PCDHA3: variants seen among roughly 807,000 people sequenced by gnomAD.
The protein encoded by PCDHA3 is protocadherin alpha-3.
In PCDHA3, 41 loss-of-function variants were observed where a neutral mutation model predicts 62.2. The ratio of observed to expected loss-of-function variants is 0.66; its 90% CI spans 0.51 to 0.86. The LOEUF is 0.86. Among genes scored for constraint, PCDHA3 ranks in the 40% least tolerant of loss-of-function variants. The pLI is 0.00. For missense variants in PCDHA3, 1,304 were observed against 1,241.2 expected (o/e 1.05, Z -0.76); for synonymous variants, 640 against 555.4 (o/e 1.15, Z -2.14).
chr5:140,967,229 C>T, intron 1 of PCDHA3: 2 of 1,613,760 alleles, frequency 1.2e-6, no homozygotes, highest in East Asian at 2.2e-5. Flanking sequence ...CAACTACCAG[C>T]TTCAGGTAAG....
Position 140,946,611 on chromosome 5 carries a change from AAT to A in PCDHA3, c.2395-32318_2395-32317del, listed in dbSNP as rs1554217734. On this transcript the variant is annotated intron_variant, in intron 1 of 3. Coordinates refer to ENST00000522353, the MANE Select transcript of PCDHA3 (RefSeq NM_018906.3). ...GGATGAATAGATAAAGAAAATGTGA[AAT>A]ATATATATATATATATATACAATGG... is the stretch of plus-strand genomic sequence containing the variant. 5.8e-3 allele frequency among the ~76,000 whole-genome samples: 503 copies of A among 86,618 alleles called. 18 individuals are homozygous for A. The highest frequency in any genetic ancestry group is 0.022 in the Middle Eastern group (4 of 186). The allele number at this position is 86,618 out of a possible 152,430, so 56.8% of individuals were successfully genotyped here. A position where few individuals can be genotyped will look rare whatever the true frequency, so the allele number is the denominator to read the frequency against.
intron 1 of PCDHA3, chr5:140,927,490 C>T: frequency 3.1e-6 from 5 of 1,614,132 alleles, no homozygotes; most frequent in Non-Finnish European, 4.2e-6. Context: ...CGCCACCCAC[C>T]TGCTGGTGCT....
intron 1 of PCDHA3, chr5:140,806,969 A>G (rs1337219692): frequency 3.4e-5 from 21 of 608,738 alleles, no homozygotes; most frequent in African/African-American, 5.5e-5. Flanking sequence ...CACAATTGCT[A>G]CTTACGGTTT....
At chr5:140,841,397 G>T in intron 1 of PCDHA3, 3 of 1,613,254 alleles carry the variant, frequency 1.9e-6, no homozygotes, top group Non-Finnish European at 2.5e-6. Flanking sequence ...AGCCTGGAAG[G>T]TGGGGAGCGG....
chr5:140,965,496 ATTT>A (rs71766133), intron 1 of PCDHA3, among the ~76,000 whole-genome samples: 1 of 146,428 alleles, frequency 6.8e-6, no homozygotes. Flanking sequence ...ATGACAGCAG[ATTT>A]TTTTTTTTTT....
chr5:140,807,003 A>G, intron 1 of PCDHA3: 1 of 732,430 alleles, frequency 1.4e-6, no homozygotes, highest in East Asian at 2.7e-5. Flanking sequence ...GTCGCTCTTT[A>G]CCACAAAATA....
chr5:140,918,786 A>T (rs2078853629), intron 1 of PCDHA3, among the ~76,000 whole-genome samples: 1 of 147,002 alleles, frequency 6.8e-6, no homozygotes, highest in African/African-American at 2.6e-5. Context: ...ATGTGAGGAC[A>T]CAGCAAAAAT....
intron 1 of PCDHA3, chr5:140,834,667 T>C (rs1773186748): frequency 5.0e-6 from 8 of 1,614,226 alleles, no homozygotes; most frequent in Non-Finnish European, 6.8e-6. Context: ...CGCGAGGAGC[T>C]GTGCGGGCGG....
chr5:140,923,951 G>A (rs763582377), intron 1 of PCDHA3, among the ~76,000 whole-genome samples: 4 of 151,984 alleles, frequency 2.6e-5, no homozygotes, highest in Non-Finnish European at 2.9e-5. Context: ...TTTTCCTCAC[G>A]CCCTAATCTA....
Position 141,010,486 on chromosome 5 carries a change from A to C in PCDHA3, c.*549A>C. 1 of 674,072 alleles carries C rather than the reference A, an allele frequency of 1.5e-6. No individual in the cohort carries two copies. Among genetic ancestry groups the C allele is most frequent in the Non-Finnish European group, 2.3e-6 (1 of 434,544 alleles). The allele number at this position is 674,072 out of a possible 1,614,324, so 41.8% of individuals were successfully genotyped here. On this transcript the variant is annotated 3_prime_UTR_variant, in exon 4 of 4. Transcript: ENST00000522353. ...GTATGGAGGGGAAGTGTAAACTTAAAGGGACCAGACTTTCTAAATCTTACA... is the reference window on the plus strand; with the variant it reads ...GTATGGAGGGGAAGTGTAAACTTAACGGGACCAGACTTTCTAAATCTTACA...
chr5:140,834,241 G>C, intron 1 of PCDHA3: 1 of 811,066 alleles, frequency 1.2e-6, no homozygotes, highest in Non-Finnish European at 1.9e-6. Flanking sequence ...ATTCCTTTTC[G>C]CACTGGAAAG....
chr5:140,801,656 G>C lies in PCDHA3; in HGVS notation c.459G>C (p.Ser153=). Residue 153 remains serine (S), a synonymous_variant, in exon 1 of 4, where the codon TCG becomes TCC. Coordinates refer to ENST00000522353, the MANE Select transcript of PCDHA3 (RefSeq NM_018906.3). ...SESRQPGSRF[S]LEGASDADIG... ...CCCGACAGCCTGGCTCTCGGTTTTCGCTAGAGGGCGCATCAGATGCAGATA... is the reference window on the plus strand; with the variant it reads ...CCCGACAGCCTGGCTCTCGGTTTTCCCTAGAGGGCGCATCAGATGCAGATA... The C allele has an allele frequency of 1.9e-6, 3 of 1,614,186 alleles. No individual in the cohort carries two copies. The highest frequency in any genetic ancestry group is 1.7e-5 in the Admixed American group (1 of 60,026).
intron 1 of PCDHA3, chr5:140,868,546 A>T (rs1356639258): frequency 1.3e-5 from 2 of 152,640 alleles, no homozygotes; most frequent in African/African-American, 2.4e-5. Context: ...TTCAAATTTG[A>T]TAGTATTTTT....
intron 1 of PCDHA3, chr5:140,849,864 C>G (rs1554143420): frequency 6.3e-7 from 1 of 1,598,642 alleles, no homozygotes; most frequent in South Asian, 1.1e-5. Context: ...AGCGTTCGCG[C>G]AGTCCGAGTA....
At chr5:140,807,421 T>C (rs1554124005) in intron 1 of PCDHA3, 1 of 1,592,400 alleles carries the variant, frequency 6.3e-7, no homozygotes, top group Non-Finnish European at 8.5e-7. Context: ...TGGAGGTAAA[T>C]CTGCAGAATG....
At chr5:140,940,508 G>A (rs1171264265) in intron 1 of PCDHA3, among the ~76,000 whole-genome samples, 2 of 151,902 alleles carry the variant, frequency 1.3e-5, no homozygotes, top group African/African-American at 4.8e-5. Context: ...CGTCGCTCAG[G>A]CGTGATCATA....
At position 140,998,856 on chromosome 5, in the gene PCDHA3, C is replaced by T. The variant is rs77103467; in HGVS notation, c.2543-10771C>T. 2.6e-3 allele frequency among the ~76,000 whole-genome samples: 397 copies of T among 152,354 alleles called. 2 individuals carry two copies. Among genetic ancestry groups the T allele is most frequent in the African/African-American group, 9.1e-3 (380 of 41,584 alleles). ...TGGATTACTGGTGTGAGCCACATGC[C>T]TGGCCTTGTAAATAATAAGTTTAGT... On this transcript the variant is annotated intron_variant, in intron 3 of 3. Coordinates refer to ENST00000522353, the MANE Select transcript of PCDHA3 (RefSeq NM_018906.3).
intron 1 of PCDHA3, chr5:140,857,643 T>C (rs1406049950): frequency 4.4e-6 from 7 of 1,596,508 alleles, no homozygotes; most frequent in Non-Finnish European, 5.1e-6. Flanking sequence ...CTGCTACAGT[T>C]CCAGGTGAGC....
rs1391320223 is a variant in PCDHA3, at chr5:140,927,345, C to T, written c.2395-51604C>T. The T allele has an allele frequency of 1.2e-6, 2 of 1,614,012 alleles. 1 individual carries two copies. On this transcript the variant is annotated intron_variant, in intron 1 of 3. Transcript: ENST00000522353. The stretch of plus-strand genomic sequence containing the variant: ...TTACTCTCCCGAATGCCCAAGATGA[C>T]GACGAGGGAAGCAATGGGATACTAA...
Sources: gnomAD v4.1 joint callset for allele counts (sites outside exome capture counted in the v4.1 genomes callset) on GRCh38, gnomAD v4.1.1 for gene constraint, MANE v1.5 for transcripts, NCBI Gene and HGNC (gene_info 2026-07-23, HGNC 2026-07-21) for gene names.